ABCA12: variants seen among roughly 807,000 people sequenced by gnomAD.
The protein encoded by ABCA12 is glucosylceramide transporter ABCA12.
In ABCA12, 156 loss-of-function variants were observed where a neutral mutation model predicts 293.5. The observed-to-expected ratio is 0.53, with a 90% CI of 0.47 to 0.61. The LOEUF is 0.61. ABCA12 is among the 20% of genes least tolerant of loss of function. The probability of loss-of-function intolerance (pLI) is 0.00; values close to 1 mark genes in which losing one functional copy is unlikely to be tolerated. For synonymous variants in ABCA12, 1,063 were observed against 1,108.0 expected (o/e 0.96, Z 0.81); for missense variants, 2,797 against 3,090.2 (o/e 0.91, Z 2.25).
At chr2:215,088,971 CT>C (rs1476173481) in intron 2 of ABCA12, among the ~76,000 whole-genome samples, 10 of 152,106 alleles carry the variant, frequency 6.6e-5, no homozygotes, top group African/African-American at 1.2e-4. Flanking sequence ...CCATCCACCC[CT>C]CCCTCCCTCC....
At chr2:214,992,303 A>T (rs544107704) in intron 23 of ABCA12, among the ~76,000 whole-genome samples, 1 of 151,702 alleles carries the variant, frequency 6.6e-6, no homozygotes. Context: ...ATTAGCCAGG[A>T]GTGGTGGCGG....
chr2:215,112,497 GT>G (rs1186258195), intron 1 of ABCA12, among the ~76,000 whole-genome samples: 4 of 125,610 alleles, frequency 3.2e-5, no homozygotes, highest in African/African-American at 1.1e-4. Flanking sequence ...TTTTTTTTTT[GT>G]TTTTTTTTGT....
chr2:214,954,056 G>A lies in ABCA12; in HGVS notation c.6445C>T (p.Gln2149Ter). The A allele has an allele frequency of 6.2e-7, 1 of 1,614,024 alleles. No individual in the cohort carries two copies. Among genetic ancestry groups the A allele is most frequent in the Non-Finnish European group, 8.5e-7 (1 of 1,179,972 alleles). Residue 2149 changes from glutamine (Q) to a stop codon, truncating the protein, a stop_gained, in exon 44 of 53, where the codon CAA (glutamine) becomes TAA (stop). Transcript: ENST00000272895. LOFTEE classifies it high-confidence loss of function. ...ATCAAACCGTAGCCAAAACAGAATT[G>A]TGGGAAAATCAGGAAAATGCGCTTG... ...TLKRIFLIFPQFCFGYGLIEL... is the reference protein window; with the variant it reads ...TLKRIFLIFP
Position 214,931,657 on chromosome 2 carries a change from C to T in ABCA12, c.*977G>A, listed in dbSNP as rs762919295. ...CACACACGGTACATAAAGCACCTTT[C>T]CCCAGGGCCACGTCACTTGCCATTA... On this transcript the variant is annotated 3_prime_UTR_variant, in exon 53 of 53. Coordinates refer to ENST00000272895, the MANE Select transcript of ABCA12 (RefSeq NM_173076.3). 6 of 152,620 alleles carry T rather than the reference C, an allele frequency of 3.9e-5. No homozygotes were observed. Among genetic ancestry groups the T allele is most frequent in the Admixed American group, 6.6e-5 (1 of 15,264 alleles). The allele number at this position is 152,620 out of a possible 1,614,324, so 9.5% of individuals were successfully genotyped here. A position where few individuals can be genotyped will look rare whatever the true frequency, so the allele number is the denominator to read the frequency against.
Position 215,025,725 on chromosome 2 carries a change from T to C in ABCA12, c.1235A>G (p.Asn412Ser), listed in dbSNP as rs1700729888. 1.2e-5 allele frequency: 20 copies of C among 1,613,258 alleles called. No individual in the cohort carries two copies. In the Middle Eastern group the frequency reaches 5.0e-4, roughly 40 times the overall value. ...TIRFKKSFLR[N>S]GSYEDYFPPV... ...AGGAAAGTAATCTTCATAGGAACCATTGCGAAGAAAAGATTTTTTAAATCG... is the reference window on the plus strand; with the variant it reads ...AGGAAAGTAATCTTCATAGGAACCACTGCGAAGAAAAGATTTTTTAAATCG... Residue 412 changes from asparagine to serine, a missense_variant, in exon 11 of 53, where the codon AAT (asparagine) becomes AGT (serine). Physicochemically the swap from Asn to Ser is conservative, Grantham distance 46. Around this residue, in one of 3 missense-constraint regions of ABCA12, gnomAD observed 656 missense variants for 638.2 expected, o/e 1.03. Transcript: ENST00000272895.
chr2:215,113,442 T>G (rs1014005807), intron 1 of ABCA12, among the ~76,000 whole-genome samples: 3 of 152,230 alleles, frequency 2.0e-5, no homozygotes, highest in African/African-American at 7.2e-5. Context: ...CAGATCAGTT[T>G]GGGATCTTGT....
rs777988487 is a variant in ABCA12 at position 214,987,737 on chromosome 2, C to T, written c.3886G>A (p.Glu1296Lys). 1.9e-6 allele frequency: 3 copies of T among 1,613,876 alleles called. No homozygotes were observed. The highest frequency in any genetic ancestry group is 1.3e-5 in the African/African-American group (1 of 74,890). Residue 1296 changes from glutamate (E) to lysine (K), a missense_variant, in exon 27 of 53, where the codon GAG becomes AAG. By Grantham distance (56) the Glu-to-Lys change is moderately conservative. Around this residue, in one of 3 missense-constraint regions of ABCA12, gnomAD observed 2,130 missense variants for 2,427.0 expected, o/e 0.88. Coordinates refer to ENST00000272895, the MANE Select transcript of ABCA12 (RefSeq NM_173076.3). ...TTCACCTCTGCACACCCAAATCGCT[C>T]CTTCCAATAGGAAGGAAGAATTGGA... ...YFPILPSYWK[E>K]RFGCAEVKPE... is the part of the protein sequence containing the mutation.
intron 48 of ABCA12, among the ~76,000 whole-genome samples, chr2:214,945,639 GT>G (rs1200773930): frequency 1.3e-5 from 2 of 152,140 alleles, no homozygotes; most frequent in Non-Finnish European, 2.9e-5. Flanking sequence ...AAAGATGTAC[GT>G]TATTTTTCAA....
intron 2 of ABCA12, among the ~76,000 whole-genome samples, chr2:215,091,231 G>T (rs1201862949): frequency 2.6e-5 from 4 of 151,852 alleles, no homozygotes; most frequent in African/African-American, 4.8e-5. Flanking sequence ...TCCTCCCCAG[G>T]CTGCTTCTCA....
At chr2:215,127,425 A>G (rs186400697) in intron 1 of ABCA12, among the ~76,000 whole-genome samples, 1 of 151,158 alleles carries the variant, frequency 6.6e-6, no homozygotes, top group East Asian at 2.0e-4. Context: ...GTTGCTGCCT[A>G]TCTCATTTCT....
At chr2:215,100,423 C>G (rs1249500922) in intron 2 of ABCA12, among the ~76,000 whole-genome samples, 2 of 152,114 alleles carry the variant, frequency 1.3e-5, no homozygotes, top group Non-Finnish European at 1.5e-5. Context: ...CTCAATTACC[C>G]TAATTCGCAG....
intron 31 of ABCA12, among the ~76,000 whole-genome samples, chr2:214,979,304 G>A (rs1175751351): frequency 6.6e-6 from 1 of 151,944 alleles, no homozygotes; most frequent in Non-Finnish European, 1.5e-5. Context: ...TGTTGCTAGA[G>A]GGCTTTGGGT....
intron 2 of ABCA12, among the ~76,000 whole-genome samples, chr2:215,085,976 G>A (rs1257909885): frequency 2.0e-5 from 3 of 152,180 alleles, no homozygotes; most frequent in Admixed American, 2.0e-4. Context: ...AGGATCTCTG[G>A]ATTGAAGGCC....
intron 51 of ABCA12, among the ~76,000 whole-genome samples, chr2:214,936,430 T>C (rs987585426): frequency 1.3e-5 from 2 of 152,208 alleles, no homozygotes; most frequent in East Asian, 1.9e-4. Flanking sequence ...GGGAATCACA[T>C]GGGCACAATT....
At chr2:214,945,229 T>G in intron 48 of ABCA12, 125 bp from the exon 49 acceptor site, 1 of 762,130 alleles carries the variant, frequency 1.3e-6, no homozygotes, top group South Asian at 1.5e-5. Flanking sequence ...GACTAACTTG[T>G]TTTATACTTA....
rs78562188 is a variant in ABCA12, at chr2:214,982,681, T to A, written c.4383-298A>T. 9.8e-3 allele frequency among the ~76,000 whole-genome samples: 1,498 copies of A among 152,286 alleles called. 30 individuals are homozygous for A. Among genetic ancestry groups the A allele is most frequent in the African/African-American group, 0.035 (1,447 of 41,546 alleles). ...ATAATTCATTCCTTTGACAAATATCTAGAGAGTTCCTACCTATTTTGTGCC... is the reference window on the plus strand; with the variant it reads ...ATAATTCATTCCTTTGACAAATATCAAGAGAGTTCCTACCTATTTTGTGCC... On this transcript the variant is annotated intron_variant, in intron 29 of 52. Transcript: ENST00000272895.
intron 2 of ABCA12, among the ~76,000 whole-genome samples, chr2:215,069,079 C>G (rs1672581880): frequency 6.6e-6 from 1 of 152,006 alleles, no homozygotes; most frequent in Non-Finnish European, 1.5e-5. Context: ...TTTCTCAAAA[C>G]AGTTCAGAAG....
intron 7 of ABCA12, among the ~76,000 whole-genome samples, chr2:215,043,193 C>T (rs76854413): frequency 3.3e-5 from 5 of 152,204 alleles, no homozygotes; most frequent in African/African-American, 9.6e-5. Context: ...TAAAAATACA[C>T]GTGTTGGCCA....
intron 3 of ABCA12, among the ~76,000 whole-genome samples, chr2:215,060,651 T>G (rs1701510446): frequency 6.6e-6 from 1 of 152,022 alleles, no homozygotes; most frequent in Admixed American, 6.6e-5. Context: ...AATCTAAAAT[T>G]AATACAAGAA....
Sources: gnomAD v4.1 joint callset for allele counts (sites outside exome capture counted in the v4.1 genomes callset) on GRCh38, gnomAD v4.1.1 for gene constraint, gnomAD v4.1.1 regional missense constraint, MANE v1.5 for transcripts, NCBI Gene and HGNC (gene_info 2026-07-23, HGNC 2026-07-21) for gene names.